APOL5: variants seen among roughly 807,000 people sequenced by gnomAD.
APOL5 encodes apolipoprotein L, 5.
A neutral mutation model predicts 35.5 loss-of-function variants in APOL5; 29 were observed. The observed-to-expected ratio is 0.82, with a 90% CI of 0.61 to 1.11. The LOEUF (loss-of-function observed/expected upper bound fraction) is 1.11, where lower values mean the gene tolerates loss of function less well. APOL5 is among the 50% of genes most tolerant of loss of function. The pLI is 0.00. For missense variants in APOL5, 514 were observed against 530.4 expected (o/e 0.97, Z 0.30); for synonymous variants, 188 against 200.2 (o/e 0.94, Z 0.51).
At chr22:35,726,056 A>T (rs919067806) in intron 2 of APOL5, among the ~76,000 whole-genome samples, 155 bp from the exon 3 acceptor site, 5 of 152,208 alleles carry the variant, frequency 3.3e-5, no homozygotes, top group Non-Finnish European at 7.3e-5. Flanking sequence ...TGGAGGTTAG[A>T]AGCAAGATGA....
the APOL5 span, among the ~76,000 whole-genome samples, chr22:35,710,477 GTATATATATACA>G: frequency 6.6e-6 from 1 of 150,526 alleles, no homozygotes; most frequent in South Asian, 2.1e-4. Flanking sequence ...CTATAAATGT[GTATATATATACA>G]TATATATGTA....
At position 35,717,883 on chromosome 22, in the gene APOL5, CA is replaced by C. The variant is rs757947101; in HGVS notation, c.15del (p.Lys5AsnfsTer28). On this transcript the variant is annotated frameshift_variant, in exon 1 of 5. Coordinates refer to ENST00000249044, the MANE Select transcript of APOL5 (RefSeq NM_030642.1). LOFTEE classifies it high-confidence loss of function. ...AAAAAATCTAAAGCATGCCATGTGG[CA>C]AACAAGGAAATTTGCAAGTTCCCGG... MPCG[K>X]QGNLQVPGSK... 1 of 1,583,624 alleles carries C rather than the reference CA, an allele frequency of 6.3e-7. No homozygotes were observed. Among genetic ancestry groups the C allele is most frequent in the Non-Finnish European group, 8.6e-7 (1 of 1,164,962 alleles).
At chr22:35,715,473 C>A (rs1946711814), upstream of APOL5, among the ~76,000 whole-genome samples, 1 of 152,054 alleles carries the variant, frequency 6.6e-6, no homozygotes, top group South Asian at 2.1e-4. Context: ...TGGTGAAACC[C>A]CGTCTCTACT....
At chr22:35,728,148 T>TGGGTGGGTCCCACCC (rs1555932740) in intron 3 of APOL5, among the ~76,000 whole-genome samples, 1 of 152,210 alleles carries the variant, frequency 6.6e-6, no homozygotes, top group Non-Finnish European at 1.5e-5. Context: ...TACTGATGAG[T>TGGGTGGGTCCCACCC]GGGTGGGTCC....
chr22:35,713,857 G>A (rs924009710), upstream of APOL5, among the ~76,000 whole-genome samples: 6 of 152,152 alleles, frequency 3.9e-5, no homozygotes, highest in African/African-American at 9.7e-5. Context: ...TCCTGGGTCC[G>A]AAAGTGAAGG....
rs904919968 is a variant in APOL5, at chr22:35,726,936, G to A, written c.868G>A (p.Gly290Ser). The A allele has an allele frequency of 6.2e-7, 1 of 1,614,080 alleles. No individual in the cohort carries two copies. The highest frequency in any genetic ancestry group is 8.5e-7 in the Non-Finnish European group (1 of 1,180,040). ...FEGTTLAMTN[G>S]AWVMGAAGAG... ...GGGCACAACTCTGGCCATGACCAAT[G>A]GTGCCTGGGTGATGGGTGCTGCTGG... Residue 290 changes from glycine (G) to serine (S), a missense_variant, in exon 3 of 5, where the codon GGT becomes AGT. Gly to Ser is a moderately conservative substitution (Grantham distance 56). Transcript: ENST00000249044.
intron 1 of APOL5, among the ~76,000 whole-genome samples, chr22:35,718,685 A>G (rs1232954908): frequency 2.0e-5 from 3 of 152,106 alleles, no homozygotes; most frequent in African/African-American, 7.2e-5. Context: ...TTAAGGAAAT[A>G]GCATAGAGTC....
In APOL5 at chr22:35,728,729, G is replaced by C; in HGVS notation, c.1133G>C (p.Arg378Pro). 1 of 1,611,960 alleles carries C rather than the reference G, an allele frequency of 6.2e-7. No homozygotes were observed. Residue 378 changes from arginine (R) to proline (P), a missense_variant, in exon 4 of 5, where the codon CGC (arginine) becomes CCC (proline). Around this residue, in one of 3 missense-constraint regions of APOL5, gnomAD observed 238 missense variants for 229.1 expected, o/e 1.04. Transcript: ENST00000249044. ...GSRVVKPEGS[R>P]SPLPWPVVEH... ...AGGGACTCATGTTCCACAGGGTCTC[G>C]CTCACCTCTCCCCTGGCCTGTTGTG...
At position 35,720,485 on chromosome 22, in the gene APOL5, G is replaced by A. The variant is rs965780562; in HGVS notation, c.56-83G>A. 12 of 1,187,172 alleles carry A rather than the reference G, an allele frequency of 1.0e-5. 1 individual carries two copies. The East Asian group carries it at 1.2e-4, about 12-fold the overall frequency. The allele number at this position is 1,187,172 out of a possible 1,614,324, so 73.5% of individuals were successfully genotyped here. A position where few individuals can be genotyped will look rare whatever the true frequency, so the allele number is the denominator to read the frequency against. On this transcript the variant is annotated intron_variant, in intron 1 of 4. Coordinates refer to ENST00000249044, the MANE Select transcript of APOL5 (RefSeq NM_030642.1). ...AATTCTCCAATATTGTAATTAGACA[G>A]CCAACTTTCCCGGAGCACTGTTATG... is the stretch of plus-strand genomic sequence containing the variant.
At chr22:35,725,073 C>T (rs1217631054) in intron 2 of APOL5, among the ~76,000 whole-genome samples, 1 of 152,156 alleles carries the variant, frequency 6.6e-6, no homozygotes, top group South Asian at 2.1e-4. Context: ...GTCTGTCTGT[C>T]TGTCTGCTGC....
chr22:35,714,626 G>A (rs919499161), upstream of APOL5, among the ~76,000 whole-genome samples: 4 of 152,236 alleles, frequency 2.6e-5, no homozygotes, highest in African/African-American at 4.8e-5. Flanking sequence ...TTAGGTCTAC[G>A]TGAGCCTCTC....
intron 2 of APOL5, among the ~76,000 whole-genome samples, chr22:35,725,663 T>C (rs1364996491): frequency 6.6e-6 from 1 of 152,102 alleles, no homozygotes. Flanking sequence ...AGTCGCCCTC[T>C]TGCGCTGAGC....
chr22:35,715,565 G>A (rs968877065), upstream of APOL5, among the ~76,000 whole-genome samples: 5 of 152,150 alleles, frequency 3.3e-5, no homozygotes, highest in Non-Finnish European at 7.4e-5. Context: ...AGAATCGCTT[G>A]AACAAGGGAG....
At chr22:35,721,055 T>C (rs1216640170) in intron 2 of APOL5, among the ~76,000 whole-genome samples, 1 of 152,222 alleles carries the variant, frequency 6.6e-6, no homozygotes, top group East Asian at 1.9e-4. Flanking sequence ...TGTCAATAAG[T>C]ATTTGAATGA....
At chr22:35,719,447 A>G (rs1053466011) in intron 1 of APOL5, among the ~76,000 whole-genome samples, 2 of 152,196 alleles carry the variant, frequency 1.3e-5, no homozygotes, top group South Asian at 4.1e-4. Flanking sequence ...TCAGGGCTAT[A>G]GATGATAGGC....
chr22:35,725,629 G>A (rs1268380307), intron 2 of APOL5, among the ~76,000 whole-genome samples: 1 of 152,076 alleles, frequency 6.6e-6, no homozygotes, highest in Non-Finnish European at 1.5e-5. Context: ...CGCTGGGGTT[G>A]AAGCTGAAAT....
At chr22:35,724,322 G>A (rs890226710) in intron 2 of APOL5, among the ~76,000 whole-genome samples, 7 of 147,026 alleles carry the variant, frequency 4.8e-5, no homozygotes, top group Non-Finnish European at 7.5e-5. Flanking sequence ...CTTAAATCCT[G>A]TTTCCCGATG....
At chr22:35,724,539 A>G (rs1927085151) in intron 2 of APOL5, among the ~76,000 whole-genome samples, 1 of 152,222 alleles carries the variant, frequency 6.6e-6, no homozygotes, top group African/African-American at 2.4e-5. Context: ...CTTGGTGACC[A>G]AAGTCAGTAA....
At chr22:35,721,427 C>A (rs1926967061) in intron 2 of APOL5, among the ~76,000 whole-genome samples, 1 of 151,994 alleles carries the variant, frequency 6.6e-6, no homozygotes, top group Non-Finnish European at 1.5e-5. Flanking sequence ...CCTGTAATCC[C>A]AGCTACATGG....
Sources: gnomAD v4.1 joint callset for allele counts (sites outside exome capture counted in the v4.1 genomes callset) on GRCh38, gnomAD v4.1.1 for gene constraint, gnomAD v4.1.1 regional missense constraint, MANE v1.5 for transcripts, NCBI Gene and HGNC (gene_info 2026-07-23, HGNC 2026-07-21) for gene names.